Variants in ERBB4 observed in about 807,000 individuals in gnomAD.
ERBB4 encodes receptor tyrosine-protein kinase erbB-4.
Under a neutral mutation model 158.0 loss-of-function variants are expected in ERBB4, and 42 were observed. That is an observed-to-expected ratio of 0.27 (90% CI 0.21 to 0.34). The LOEUF is 0.34. Among genes scored for constraint, ERBB4 ranks in the 10% least tolerant of loss-of-function variants. The probability of loss-of-function intolerance (pLI) is 1.00; values close to 1 mark genes in which losing one functional copy is unlikely to be tolerated. For synonymous variants in ERBB4, 583 were observed against 558.7 expected (o/e 1.04, Z -0.61); for missense variants, 1,333 against 1,624.1 (o/e 0.82, Z 3.08).
At chr2:212,273,671 C>T (rs1289430475) in intron 1 of ERBB4, among the ~76,000 whole-genome samples, 1 of 151,770 alleles carries the variant, frequency 6.6e-6, no homozygotes, top group East Asian at 1.9e-4. Flanking sequence ...TATTTTGGAT[C>T]TGTGTCAGAG....
intron 20 of ERBB4, among the ~76,000 whole-genome samples, chr2:211,524,322 G>T (rs897570613): frequency 5.3e-5 from 8 of 152,160 alleles, no homozygotes; most frequent in Admixed American, 5.2e-4. Context: ...TCACCCAGTG[G>T]ATCCCTCACG....
intron 3 of ERBB4, among the ~76,000 whole-genome samples, chr2:211,846,502 C>T (rs78784609): frequency 0.011 from 1,611 of 152,038 alleles, 29 homozygotes; most frequent in African/African-American, 0.036. Flanking sequence ...AAAAAGAGAG[C>T]GCTATGAAAA....
At chr2:211,747,547 T>C (rs1388768918) in intron 5 of ERBB4, among the ~76,000 whole-genome samples, 1 of 152,106 alleles carries the variant, frequency 6.6e-6, no homozygotes, top group Admixed American at 6.6e-5. Context: ...ATCCTGAAAG[T>C]GGTCTATTAT....
chr2:212,414,102 C>A (rs1286387034), intron 1 of ERBB4, among the ~76,000 whole-genome samples: 1 of 152,136 alleles, frequency 6.6e-6, no homozygotes, highest in African/African-American at 2.4e-5. Context: ...CACACATGCA[C>A]ACAAACAAAA....
chr2:211,910,742 T>C (rs1378981080), intron 3 of ERBB4, among the ~76,000 whole-genome samples: 1 of 152,130 alleles, frequency 6.6e-6, no homozygotes, highest in African/African-American at 2.4e-5. Flanking sequence ...AAAAAACCGT[T>C]ATATTCATGC....
chr2:212,159,251 G>A (rs2081131700), intron 1 of ERBB4, among the ~76,000 whole-genome samples: 1 of 137,030 alleles, frequency 7.3e-6, no homozygotes, highest in South Asian at 2.5e-4. Flanking sequence ...AGTAAACCGT[G>A]GTGTGTGTTT....
Position 211,382,306 on chromosome 2 carries a change from G to A in ERBB4, c.*1309C>T, listed in dbSNP as rs1239770639. 5 of 232,166 alleles carry A rather than the reference G, an allele frequency of 2.2e-5. No individual in the cohort carries two copies. Among genetic ancestry groups the A allele is most frequent in the Non-Finnish European group, 4.3e-5 (5 of 117,476 alleles). 14.4% of individuals were successfully genotyped at this position (232,166 alleles called of 1,614,324 possible). On this transcript the variant is annotated 3_prime_UTR_variant, in exon 28 of 28. Coordinates refer to ENST00000342788, the MANE Select transcript of ERBB4 (RefSeq NM_005235.3). ...ATACGAACTGAACAAATTTCCTTGC[G>A]TAGCAAAGGTGACATATGAAGATAA...
At chr2:211,834,783 A>G (rs1157631301) in intron 3 of ERBB4, among the ~76,000 whole-genome samples, 1 of 152,124 alleles carries the variant, frequency 6.6e-6, no homozygotes, top group African/African-American at 2.4e-5. Context: ...GTTCAGCAGC[A>G]GGGTCAAACT....
chr2:211,789,819 C>A (rs1015745284), intron 3 of ERBB4, among the ~76,000 whole-genome samples: 3 of 152,068 alleles, frequency 2.0e-5, no homozygotes, highest in African/African-American at 7.2e-5. Context: ...ACGTGTCACA[C>A]CACAAGAGGG....
intron 3 of ERBB4, among the ~76,000 whole-genome samples, chr2:211,799,758 A>T (rs144426615): frequency 9.2e-5 from 14 of 152,266 alleles, no homozygotes; most frequent in Middle Eastern, 3.4e-3. Context: ...GCCATGCAAC[A>T]CATGTTCAGT....
chr2:211,703,954 AT>A, intron 11 of ERBB4, 149 bp downstream of exon 11: 2 of 688,524 alleles, frequency 2.9e-6, no homozygotes, highest in East Asian at 2.6e-5. Context: ...CATCGGAGGT[AT>A]TTTTATTGAG....
chr2:211,752,491 G>GAAAAAAA (rs369728330), intron 4 of ERBB4, among the ~76,000 whole-genome samples: 1 of 119,506 alleles, frequency 8.4e-6, no homozygotes, highest in African/African-American at 3.1e-5. Flanking sequence ...TACCTAACTG[G>GAAAAAAA]AAAAAAAAAA....
intron 1 of ERBB4, among the ~76,000 whole-genome samples, chr2:212,406,552 T>C (rs1273035028): frequency 2.0e-5 from 3 of 152,174 alleles, no homozygotes; most frequent in Non-Finnish European, 4.4e-5. Flanking sequence ...AGTTATCTAG[T>C]TTTCATTATA....
intron 19 of ERBB4, among the ~76,000 whole-genome samples, chr2:211,586,062 GTGA>G (rs1292527398): frequency 1.3e-5 from 2 of 152,094 alleles, no homozygotes; most frequent in East Asian, 1.9e-4. Context: ...CCTATCAAAT[GTGA>G]TGAAGTAGAG....
intron 13 of ERBB4, among the ~76,000 whole-genome samples, chr2:211,676,803 C>A (rs1050175924): frequency 1.4e-4 from 14 of 98,864 alleles, no homozygotes; most frequent in African/African-American, 6.9e-4. Context: ...TATTGTGTTT[C>A]ATTTTAATTT....
At chr2:212,130,531 C>T (rs145436472) in intron 1 of ERBB4, among the ~76,000 whole-genome samples, 1,686 of 152,012 alleles carry the variant, frequency 0.011, 21 homozygotes, top group African/African-American at 0.039. Context: ...AATAATGAAA[C>T]CTTAACAATA....
At position 212,406,232 on chromosome 2, in the gene ERBB4, T is replaced by C. The variant is rs115422639; in HGVS notation, c.82+132217A>G. Reference sequence around the variant, plus strand: ...CGTTGTACCTGTGTACCTGTGACTATAGGCTAAGTTTAAGACATGTGTGCC... The same window carrying C: ...CGTTGTACCTGTGTACCTGTGACTACAGGCTAAGTTTAAGACATGTGTGCC... On this transcript the variant is annotated intron_variant, in intron 1 of 27. Transcript: ENST00000342788. Among the ~76,000 whole-genome samples, 1,352 of 152,266 alleles carry C rather than the reference T, an allele frequency of 8.9e-3. 21 individuals carry two copies. Among genetic ancestry groups the C allele is most frequent in the African/African-American group, 0.031 (1,275 of 41,566 alleles).
intron 2 of ERBB4, among the ~76,000 whole-genome samples, chr2:211,970,535 T>G (rs2081422474): frequency 6.6e-6 from 1 of 152,196 alleles, no homozygotes; most frequent in African/African-American, 2.4e-5. Flanking sequence ...GTCTCTAAAC[T>G]TGCTTTATGA....
chr2:211,426,125 A>AATAAACGAACAGCAACATAT (rs59567054), intron 22 of ERBB4, among the ~76,000 whole-genome samples: 1 of 151,922 alleles, frequency 6.6e-6, no homozygotes, highest in Non-Finnish European at 1.5e-5. Context: ...TAGAAAATAT[A>AATAAACGAACAGCAACATAT]AAATACAAAA....
Sources: allele counts gnomAD v4.1 joint callset (sites outside exome capture counted in the v4.1 genomes callset), GRCh38; gene constraint gnomAD v4.1.1; transcripts MANE v1.5; gene names NCBI Gene and HGNC (gene_info 2026-07-23, HGNC 2026-07-21).